Variants in CSRP3 observed in about 807,000 individuals in gnomAD.
CSRP3 encodes cysteine and glycine-rich protein 3.
A neutral mutation model predicts 24.3 loss-of-function variants in CSRP3; 24 were observed. The observed-to-expected ratio is 0.99, with a 90% CI of 0.71 to 1.39. The LOEUF (loss-of-function observed/expected upper bound fraction) is 1.39. Ranked by LOEUF, CSRP3 falls within the 40% of genes most tolerant of loss-of-function variation. The pLI is 0.00. For synonymous variants in CSRP3, 105 were observed against 94.0 expected (o/e 1.12, Z -0.68); for missense variants, 240 against 249.0 (o/e 0.96, Z 0.24).
intron 1 of CSRP3, among the ~76,000 whole-genome samples, chr11:19,199,766 A>C (rs1565056921): frequency 6.6e-6 from 1 of 152,206 alleles, no homozygotes; most frequent in Non-Finnish European, 1.5e-5. Flanking sequence ...AAAAGGCTCC[A>C]TCCTCAATGC....
chr11:19,182,961 A>G lies in CSRP3; in HGVS notation c.509-215T>C, dbSNP rs11025047. Among the ~76,000 whole-genome samples, 14,479 of 152,192 alleles carry G rather than the reference A, an allele frequency of 0.095. 902 individuals carry two copies. Among genetic ancestry groups the G allele is most frequent in the African/African-American group, 0.17 (7,185 of 41,500 alleles). ...CACCTGAGGTCGGGAGTTTGAGACC[A>G]GCCTGGCCAACATAGAGAAACCCTG... On this transcript the variant is annotated intron_variant, in intron 5 of 5. Transcript: ENST00000265968.
At chr11:19,189,878 G>A (rs528197353) in intron 2 of CSRP3, among the ~76,000 whole-genome samples, 1 of 152,284 alleles carries the variant, frequency 6.6e-6, no homozygotes, top group African/African-American at 2.4e-5. Flanking sequence ...AATTTGGGGG[G>A]AGAATGCCTT....
chr11:19,198,204 C>G (rs1850774185), intron 1 of CSRP3, among the ~76,000 whole-genome samples: 1 of 152,186 alleles, frequency 6.6e-6, no homozygotes, highest in South Asian at 2.1e-4. Flanking sequence ...AGTAGCTTTT[C>G]CAAGGTCACA....
intron 1 of CSRP3, 67 bp from the exon 2 acceptor site, chr11:19,192,543 G>C: frequency 3.1e-6 from 3 of 981,954 alleles, no homozygotes; most frequent in Non-Finnish European, 3.2e-6. Flanking sequence ...CTCTAAGAGT[G>C]CAGTGGTCTG....
chr11:19,187,710 C>T (rs185825474), intron 3 of CSRP3, among the ~76,000 whole-genome samples: 3 of 152,286 alleles, frequency 2.0e-5, no homozygotes, highest in Admixed American at 1.3e-4. Flanking sequence ...GCCATGTGGA[C>T]GTTTGTCATC....
chr11:19,182,111 C>T lies in CSRP3; in HGVS notation c.*559G>A, dbSNP rs45606836. 15 of 156,114 alleles carry T rather than the reference C, an allele frequency of 9.6e-5. No individual in the cohort carries two copies. The highest frequency in any genetic ancestry group is 1.8e-4 in the Non-Finnish European group (13 of 70,316). 9.7% of individuals were successfully genotyped at this position (156,114 alleles called of 1,614,324 possible). A position where few individuals can be genotyped will look rare whatever the true frequency, so the allele number is the denominator to read the frequency against. ...AGATGTGTAACATTACAAAGCCCCA[C>T]GATAGGACAAAGGGATCAACTCTTC... On this transcript the variant is annotated 3_prime_UTR_variant, in exon 6 of 6. Transcript: ENST00000265968.
chr11:19,199,150 C>A (rs577854815), intron 1 of CSRP3, among the ~76,000 whole-genome samples: 1 of 151,582 alleles, frequency 6.6e-6, no homozygotes, highest in Non-Finnish European at 1.5e-5. Flanking sequence ...GGTCCCCTTG[C>A]GTTGTTGGAT....
intron 1 of CSRP3, among the ~76,000 whole-genome samples, chr11:19,195,554 A>G (rs1188936474): frequency 6.6e-6 from 1 of 152,252 alleles, no homozygotes; most frequent in Non-Finnish European, 1.5e-5. Context: ...TGTAAAATTA[A>G]TGATATAGAA....
chr11:19,201,274 T>G (rs1323535064), intron 1 of CSRP3, among the ~76,000 whole-genome samples: 1 of 152,242 alleles, frequency 6.6e-6, no homozygotes, highest in East Asian at 1.9e-4. Context: ...CCAGTTTTGA[T>G]TAATTTCAAA....
intron 2 of CSRP3, 152 bp downstream of exon 2, chr11:19,192,185 T>C: frequency 1.4e-6 from 1 of 697,370 alleles, no homozygotes; most frequent in Non-Finnish European, 2.6e-6. Context: ...AGCCCAAGAG[T>C]TAAATTTCTA....
intron 2 of CSRP3, among the ~76,000 whole-genome samples, chr11:19,192,019 T>C (rs1323174240): frequency 6.6e-6 from 1 of 152,254 alleles, no homozygotes; most frequent in African/African-American, 2.4e-5. Flanking sequence ...CCAAGTCACA[T>C]GTTGTCAATG....
At position 19,182,576 on chromosome 11, in the gene CSRP3, AAGG is replaced by A. The variant is rs1850453230; in HGVS notation, c.*91_*93del. 1 of 1,042,816 alleles carries A rather than the reference AAGG, an allele frequency of 9.6e-7. No individual in the cohort carries two copies. Among genetic ancestry groups the A allele is most frequent in the African/African-American group, 1.6e-5 (1 of 63,758 alleles). The allele number at this position is 1,042,816 out of a possible 1,614,324, so 64.6% of individuals were successfully genotyped here. Reference sequence around the variant, plus strand: ...GAGAAACACATAATGTACGACTACAAAGGAGAGGCTATTTGGGGAAAGGTATCG... The same window carrying A: ...GAGAAACACATAATGTACGACTACAAAGAGGCTATTTGGGGAAAGGTATCG... On this transcript the variant is annotated 3_prime_UTR_variant, in exon 6 of 6. Coordinates refer to ENST00000265968, the MANE Select transcript of CSRP3 (RefSeq NM_003476.5).
intron 1 of CSRP3, among the ~76,000 whole-genome samples, chr11:19,195,031 A>T (rs112425044): frequency 1.6e-4 from 24 of 152,188 alleles, no homozygotes; most frequent in African/African-American, 5.5e-4. Flanking sequence ...ACAGAAACTC[A>T]AATGACGGAC....
At chr11:19,199,424 T>C (rs1360063189) in intron 1 of CSRP3, among the ~76,000 whole-genome samples, 1 of 152,208 alleles carries the variant, frequency 6.6e-6, no homozygotes, top group African/African-American at 2.4e-5. Flanking sequence ...ATGAAGGCTG[T>C]AGAACATGGG....
chr11:19,182,527 A>T lies in CSRP3; in HGVS notation c.*143T>A. 4 of 771,286 alleles carry T rather than the reference A, an allele frequency of 5.2e-6. No homozygotes were observed. Among genetic ancestry groups the T allele is most frequent in the Non-Finnish European group, 4.7e-6 (2 of 426,318 alleles). The allele number at this position is 771,286 out of a possible 1,614,324, so 47.8% of individuals were successfully genotyped here. A position where few individuals can be genotyped will look rare whatever the true frequency, so the allele number is the denominator to read the frequency against. On this transcript the variant is annotated 3_prime_UTR_variant, in exon 6 of 6. Transcript: ENST00000265968. ...CTTCCAAAGGCCTCTTCTAACATTC[A>T]GTAAAGACCTGATCACTTCTGAGGA...
chr11:19,183,758 C>T (rs919763781), intron 5 of CSRP3, among the ~76,000 whole-genome samples: 3 of 152,154 alleles, frequency 2.0e-5, no homozygotes, highest in African/African-American at 7.2e-5. Flanking sequence ...CCTGTGTCAT[C>T]ACAGGAAAAG....
intron 2 of CSRP3, among the ~76,000 whole-genome samples, chr11:19,188,769 C>T (rs1018529514): frequency 6.6e-6 from 1 of 151,954 alleles, no homozygotes; most frequent in African/African-American, 2.4e-5. Flanking sequence ...CTTTGAAGGA[C>T]ACTGTGATAT....
At chr11:19,186,147 T>C (rs1446870037) in intron 4 of CSRP3, 69 bp downstream of exon 4, 8 of 1,607,962 alleles carry the variant, frequency 5.0e-6, no homozygotes, top group African/African-American at 1.3e-5. Context: ...TCCCAATTTT[T>C]CTCTCATTCC....
intron 1 of CSRP3, among the ~76,000 whole-genome samples, chr11:19,197,376 CCCTCCCTCCCTCCCTTCCTT>C (rs1227745925): frequency 1.6e-3 from 6 of 3,816 alleles, no homozygotes; most frequent in African/African-American, 4.1e-3. Flanking sequence ...CTCCCTCCCT[CCCTCCCTCCCTCCCTTCCTT>C]CCTTCCTTCC....
Sources: allele counts gnomAD v4.1 joint callset (sites outside exome capture counted in the v4.1 genomes callset), GRCh38; gene constraint gnomAD v4.1.1; transcripts MANE v1.5; gene names NCBI Gene and HGNC (gene_info 2026-07-23, HGNC 2026-07-21).